Variants in SACS observed in about 807,000 individuals in gnomAD.
SACS encodes sacsin molecular chaperone.
Under a neutral mutation model 348.0 loss-of-function variants are expected in SACS, and 197 were observed. The observed-to-expected ratio is 0.57, with a 90% confidence interval of 0.50 to 0.64. SACS has a LOEUF of 0.64. Ranked by LOEUF, SACS falls within the 30% of genes least tolerant of loss-of-function variation. The pLI, the probability that SACS is intolerant of heterozygous loss-of-function variation, is 0.00. For missense variants in SACS, 4,999 were observed against 5,360.8 expected (o/e 0.93, Z 2.11); for synonymous variants, 1,985 against 1,910.6 (o/e 1.04, Z -1.02).
At chr13:23,407,119 G>A (rs181378768) in intron 2 of SACS, among the ~76,000 whole-genome samples, 14 of 152,292 alleles carry the variant, frequency 9.2e-5, no homozygotes, top group Middle Eastern at 3.4e-3. Flanking sequence ...TCTGCCACCC[G>A]AAGATACTGT....
chr13:23,358,447 G>T lies in SACS; in HGVS notation c.492C>A (p.Phe164Leu), dbSNP rs745849958. ...GAATGCCGTGCCAGTCCTCTGGGGT[G>T]AAAACCGCGTTGTTGTACACATAGA... is the stretch of plus-strand genomic sequence containing the variant. ...PALYVYNNAV[F>L]TPEDWHGIQE... The change falls in exon 7 of 10, where the codon TTC (phenylalanine) becomes TTA (leucine). Residue 164 changes from phenylalanine (F) to leucine (L), a missense_variant. Phe to Leu is a conservative substitution (Grantham distance 22). Transcript: ENST00000382292. 6.2e-7 allele frequency: 1 copy of T among 1,614,184 alleles called. No individual in the cohort carries two copies. The highest frequency in any genetic ancestry group is 1.1e-5 in the South Asian group (1 of 91,086).
chr13:23,333,577 TG>T lies in SACS; in HGVS notation c.10298del (p.Thr3433LysfsTer27). On this transcript the variant is annotated frameshift_variant, in exon 10 of 10. Coordinates refer to ENST00000382292, the MANE Select transcript of SACS (RefSeq NM_014363.6). LOFTEE classifies it high-confidence loss of function. ...IGKFGTCYVL[T>X]KSIPSAEVEK... ...CCACTTCAGCTGAAGGGATACTTTT[TG>T]TAAGTACGTAGCATGTTCCAAATTT... The T allele has an allele frequency of 6.2e-7, 1 of 1,613,768 alleles. No homozygotes were observed. Among genetic ancestry groups the T allele is most frequent in the Non-Finnish European group, 8.5e-7 (1 of 1,179,754 alleles).
At chr13:23,400,583 G>A (rs1003813585) in intron 2 of SACS, among the ~76,000 whole-genome samples, 2 of 152,074 alleles carry the variant, frequency 1.3e-5, no homozygotes, top group Admixed American at 6.5e-5. Context: ...ACCACACCCG[G>A]CTAATTTTTT....
At position 23,331,405 on chromosome 13, in the gene SACS, G is replaced by A. The variant is rs988196186; in HGVS notation, c.12471C>T (p.Gly4157=). The A allele has an allele frequency of 1.2e-6, 2 of 1,614,036 alleles. No homozygotes were observed. Among genetic ancestry groups the A allele is most frequent in the Non-Finnish European group, 1.7e-6 (2 of 1,179,948 alleles). The stretch of plus-strand genomic sequence containing the variant: ...AATGAATTTCAGCAGGAATTGGTGT[G>A]CCAGGCATTGGAAGTTCCAGTTTTG... ...EPSKLELPMP[G]TPIPAEIHYT... Residue 4157 remains glycine, a synonymous_variant, in exon 10 of 10, where the codon GGC becomes GGT. Transcript: ENST00000382292.
At chr13:23,375,568 C>A in intron 2 of SACS, 1 of 1,032,138 alleles carries the variant, frequency 9.7e-7, no homozygotes, top group Non-Finnish European at 1.2e-6. Context: ...TGCGCGCTCC[C>A]GGCCCACTCC....
At chr13:23,384,460 A>T (rs1872190296) in intron 2 of SACS, among the ~76,000 whole-genome samples, 1 of 152,218 alleles carries the variant, frequency 6.6e-6, no homozygotes, top group Admixed American at 6.5e-5. Flanking sequence ...GTACAAATTT[A>T]AATTAGGGGA....
At chr13:23,409,807 T>C (rs2137958211) in intron 2 of SACS, among the ~76,000 whole-genome samples, 1 of 152,280 alleles carries the variant, frequency 6.6e-6, no homozygotes, top group Admixed American at 6.5e-5. Flanking sequence ...TCTGCAAAAA[T>C]ACACGCAAAG....
intron 9 of SACS, among the ~76,000 whole-genome samples, chr13:23,343,974 C>T (rs1477446193): frequency 6.6e-6 from 1 of 152,164 alleles, no homozygotes; most frequent in Non-Finnish European, 1.5e-5. Flanking sequence ...TCAGTTTCTA[C>T]ATTGTGTGAT....
Position 23,334,548 on chromosome 13 carries a change from T to G in SACS, c.9328A>C (p.Thr3110Pro), listed in dbSNP as rs1883705967. 1.2e-6 allele frequency: 2 copies of G among 1,613,516 alleles called. No individual in the cohort carries two copies. Among genetic ancestry groups the G allele is most frequent in the Non-Finnish European group, 1.7e-6 (2 of 1,179,746 alleles). ...GGCAGCTTCCCAATATGGCAATTAGTGTCAGGAGAGGAAAATGTCATTAAA... is the reference window on the plus strand; with the variant it reads ...GGCAGCTTCCCAATATGGCAATTAGGGTCAGGAGAGGAAAATGTCATTAAA... ...SFLMTFSSPD[T>P]NCHIGKLPCR... The change falls in exon 10 of 10, where the codon ACT becomes CCT. Residue 3110 changes from threonine (T) to proline (P), a missense_variant. By Grantham distance (38) the Thr-to-Pro change is conservative. Around this residue, in one of 6 missense-constraint regions of SACS, gnomAD observed 734 missense variants for 694.0 expected, o/e 1.06. Transcript: ENST00000382292.
chr13:23,335,131 T>G lies in SACS; in HGVS notation c.8745A>C (p.Thr2915=). The change falls in exon 10 of 10, where the codon ACA becomes ACC. Residue 2915 remains threonine (T), a synonymous_variant. Transcript: ENST00000382292. The surrounding 1 kb of genome is among the most constrained non-coding windows in gnomAD (Gnocchi z 4.7). ...VRSDWNNSLM[T]ALIAPAYVEL... is the part of the protein sequence containing the mutation. ...CAACATATGCAGGAGCTATTAATGC[T>G]GTCATTAAACTGTTATTCCAGTCAC... 1 of 1,613,918 alleles carries G rather than the reference T, an allele frequency of 6.2e-7. No homozygotes were observed. The highest frequency in any genetic ancestry group is 2.2e-5 in the East Asian group (1 of 44,882).
intron 1 of SACS, among the ~76,000 whole-genome samples, chr13:23,430,425 G>A (rs1322245218): frequency 2.6e-5 from 4 of 151,978 alleles, no homozygotes; most frequent in Admixed American, 6.6e-5. Flanking sequence ...TACACCTTAA[G>A]TTTGAGTTTC....
Position 23,331,799 on chromosome 13 carries a change from G to A in SACS, c.12077C>T (p.Ala4026Val). 1 of 1,613,900 alleles carries A rather than the reference G, an allele frequency of 6.2e-7. No homozygotes were observed. The highest frequency in any genetic ancestry group is 8.5e-7 in the Non-Finnish European group (1 of 1,179,926). Residue 4026 changes from alanine (A) to valine (V), a missense_variant, in exon 10 of 10, where the codon GCT (alanine) becomes GTT (valine). Ala to Val is a moderately conservative substitution (Grantham distance 64). This residue lies in a region of SACS where 831 missense variants were observed against 941.8 expected (regional missense o/e 0.88). Coordinates refer to ENST00000382292, the MANE Select transcript of SACS (RefSeq NM_014363.6). ...IRIMKHENDN[A>V]FLANEEKAIR... ...GGCTTTTTCTTCATTGGCCAGAAAA[G>A]CATTATCATTTTCATGCTTCATAAT... is the stretch of plus-strand genomic sequence containing the variant.
chr13:23,392,496 T>A (rs1373065838), intron 2 of SACS, among the ~76,000 whole-genome samples: 1 of 152,242 alleles, frequency 6.6e-6, no homozygotes, highest in African/African-American at 2.4e-5. Context: ...GACTAGGCTT[T>A]GTGTTGTTTC....
intron 2 of SACS, among the ~76,000 whole-genome samples, chr13:23,392,559 G>A (rs1872566618): frequency 6.6e-6 from 1 of 152,202 alleles, no homozygotes. Context: ...CACTCATTCT[G>A]TGTCAGATAC....
chr13:23,398,502 C>A (rs1314440269), intron 2 of SACS, among the ~76,000 whole-genome samples: 4 of 148,248 alleles, frequency 2.7e-5, no homozygotes, highest in African/African-American at 1.0e-4. Flanking sequence ...CCATTACACT[C>A]CAGCCTGGGC....
In SACS at chr13:23,355,630, T is replaced by C. The variant is rs749995757; in HGVS notation, c.982A>G (p.Lys328Glu). The C allele has an allele frequency of 6.2e-7, 1 of 1,614,032 alleles. No homozygotes were observed. The highest frequency in any genetic ancestry group is 1.3e-5 in the African/African-American group (1 of 74,900). ...CTCGAAGTCACTCTAAACACCAGTT[T>C]CTCTGTTCCGTCAGCCTCTCGGACA... ...LYVREADGTE[K>E]LVFRVTSSES... The change falls in exon 8 of 10, where the codon AAA (lysine) becomes GAA (glutamate). Residue 328 changes from lysine to glutamate, a missense_variant. By Grantham distance (56) the Lys-to-Glu change is moderately conservative (BLOSUM62 1). Coordinates refer to ENST00000382292, the MANE Select transcript of SACS (RefSeq NM_014363.6).
At chr13:23,414,005 G>A (rs1422684765) in intron 1 of SACS, among the ~76,000 whole-genome samples, 1 of 152,090 alleles carries the variant, frequency 6.6e-6, no homozygotes, top group Admixed American at 6.5e-5. Context: ...TTCTTTATCT[G>A]TAAAATATAG....
chr13:23,343,938 G>A (rs1004611583), intron 9 of SACS, among the ~76,000 whole-genome samples: 1 of 152,148 alleles, frequency 6.6e-6, no homozygotes, highest in South Asian at 2.1e-4. Flanking sequence ...TTAGGAAGGT[G>A]TCAATACCCA....
intron 9 of SACS, among the ~76,000 whole-genome samples, chr13:23,343,361 A>G (rs950482894): frequency 3.9e-5 from 6 of 152,180 alleles, no homozygotes; most frequent in African/African-American, 1.4e-4. Context: ...CTAACATTCA[A>G]TATTCTCCCT....
Sources: gnomAD v4.1 joint callset for allele counts (sites outside exome capture counted in the v4.1 genomes callset) on GRCh38, gnomAD v4.1.1 for gene constraint, gnomAD v4.1.1 regional missense constraint, Gnocchi (gnomAD v3.1) non-coding constraint, MANE v1.5 for transcripts, NCBI Gene and HGNC (gene_info 2026-07-23, HGNC 2026-07-21) for gene names.